MACROD2: variants seen among roughly 807,000 people sequenced by gnomAD.
MACROD2 encodes ADP-ribose glycohydrolase MACROD2.
In MACROD2, 36 loss-of-function variants were observed where a neutral mutation model predicts 70.4. That is an observed-to-expected ratio of 0.51 (90% confidence interval 0.39 to 0.68). The LOEUF is 0.68. MACROD2 is among the 30% of genes least tolerant of loss of function. The pLI, the probability that MACROD2 is intolerant of heterozygous loss-of-function variation, is 0.00. For missense variants in MACROD2, 496 were observed against 538.4 expected (o/e 0.92, Z 0.78); for synonymous variants, 172 against 178.8 (o/e 0.96, Z 0.30).
At chr20:14,149,693 G>A (rs2054991410) in intron 3 of MACROD2, among the ~76,000 whole-genome samples, 1 of 152,166 alleles carries the variant, frequency 6.6e-6, no homozygotes, top group African/African-American at 2.4e-5. Context: ...ACTGGTGTGA[G>A]ATGGTATCTC....
At chr20:14,961,531 T>A (rs924013491) in intron 5 of MACROD2, among the ~76,000 whole-genome samples, 2 of 152,074 alleles carry the variant, frequency 1.3e-5, no homozygotes, top group African/African-American at 4.8e-5. Context: ...TGGGTTGTTG[T>A]TTTGTTTTGT....
chr20:15,850,406 C>T (rs1479163616), intron 8 of MACROD2, among the ~76,000 whole-genome samples: 2 of 152,208 alleles, frequency 1.3e-5, no homozygotes, highest in African/African-American at 2.4e-5. Context: ...TATGAAAGCC[C>T]TCAGGCAAAG....
At chr20:14,434,222 C>G (rs1324982681) in intron 3 of MACROD2, among the ~76,000 whole-genome samples, 4 of 152,014 alleles carry the variant, frequency 2.6e-5, no homozygotes, top group African/African-American at 7.2e-5. Flanking sequence ...ACTTGTAAAG[C>G]AAAGAGAAAA....
intron 5 of MACROD2, among the ~76,000 whole-genome samples, chr20:14,829,222 C>T (rs1049861041): frequency 2.7e-5 from 4 of 150,936 alleles, no homozygotes; most frequent in Non-Finnish European, 5.9e-5. Flanking sequence ...CTTCGCCTCC[C>T]GGGTTCATGC....
At chr20:14,805,997 G>A (rs1011407100) in intron 5 of MACROD2, among the ~76,000 whole-genome samples, 2 of 151,962 alleles carry the variant, frequency 1.3e-5, no homozygotes, top group South Asian at 2.1e-4. Flanking sequence ...GTGAAGATTC[G>A]ATGAGTTTAT....
chr20:14,764,265 C>T (rs1023408816), intron 5 of MACROD2, among the ~76,000 whole-genome samples: 2 of 152,098 alleles, frequency 1.3e-5, no homozygotes, highest in Admixed American at 1.3e-4. Context: ...TCCCCTCCTT[C>T]ATGGAGCCAG....
intron 3 of MACROD2, among the ~76,000 whole-genome samples, chr20:14,377,573 G>A (rs2083384016): frequency 6.6e-6 from 1 of 152,232 alleles, no homozygotes. Flanking sequence ...AAATAGCCTT[G>A]AGGCTGCTCC....
intron 6 of MACROD2, among the ~76,000 whole-genome samples, chr20:15,305,708 A>T (rs993723580): frequency 6.6e-6 from 1 of 152,050 alleles, no homozygotes; most frequent in Non-Finnish European, 1.5e-5. Flanking sequence ...CTTGAGTAGC[A>T]TGTGTGGTAG....
At chr20:15,811,651 A>T (rs1259531391) in intron 8 of MACROD2, among the ~76,000 whole-genome samples, 1 of 151,806 alleles carries the variant, frequency 6.6e-6, no homozygotes, top group East Asian at 1.9e-4. Flanking sequence ...TTTTCCCCAG[A>T]CATATCAAAG....
rs2082745276 is a variant in MACROD2 at position 14,326,908 on chromosome 20, C to T, written c.272-166571C>T. The T allele has an allele frequency of 6.2e-7, 1 of 1,613,664 alleles. No homozygotes were observed. Among genetic ancestry groups the T allele is most frequent in the Non-Finnish European group, 8.5e-7 (1 of 1,179,816 alleles). On this transcript the variant is annotated intron_variant, in intron 3 of 17. Transcript: ENST00000684519. This position sits in a 1 kb window ranked among gnomAD's most constrained non-coding sequence, Gnocchi z 5.5. ...TCCATCTAGAACCAGGCGTTTTAGA[C>T]TAGTGAGACCTTGAAGAGATGGTGA...
chr20:15,893,854 A>G, intron 10 of MACROD2: 3 of 456,832 alleles, frequency 6.6e-6, no homozygotes, highest in South Asian at 1.5e-5. Context: ...TGCAGGATAA[A>G]GGTGAGAGAA....
chr20:14,184,757 T>C (rs993698728), intron 3 of MACROD2, among the ~76,000 whole-genome samples: 1 of 152,092 alleles, frequency 6.6e-6, no homozygotes, highest in Non-Finnish European at 1.5e-5. Flanking sequence ...TAGTTAGCTG[T>C]ACTCCTAGGT....
intron 5 of MACROD2, among the ~76,000 whole-genome samples, chr20:14,911,175 C>T (rs2074022331): frequency 6.6e-6 from 1 of 152,144 alleles, no homozygotes; most frequent in East Asian, 1.9e-4. Flanking sequence ...AACCCTCCCC[C>T]AGACCTATTG....
intron 5 of MACROD2, among the ~76,000 whole-genome samples, chr20:14,713,773 TATCA>T (rs1416974097): frequency 6.6e-6 from 1 of 152,174 alleles, no homozygotes; most frequent in African/African-American, 2.4e-5. Flanking sequence ...AAATTACTAT[TATCA>T]ATTGACAATT....
At chr20:14,143,482 A>G (rs1385603835) in intron 3 of MACROD2, among the ~76,000 whole-genome samples, 1 of 152,098 alleles carries the variant, frequency 6.6e-6, no homozygotes, top group Non-Finnish European at 1.5e-5. Flanking sequence ...CAATGTGATA[A>G]TTCTGTTTAA....
intron 3 of MACROD2, chr20:14,324,290 GA>G (rs11475954): frequency 0.88 from 132,797 of 150,186 alleles, 58,847 homozygotes; most frequent in Non-Finnish European, 0.92. Flanking sequence ...GTTTTTTGTT[GA>G]AAAAAAAAAA....
intron 7 of MACROD2, among the ~76,000 whole-genome samples, chr20:15,473,011 C>G (rs2046980337): frequency 6.6e-6 from 1 of 152,178 alleles, no homozygotes; most frequent in Non-Finnish European, 1.5e-5. Flanking sequence ...TCTCATACTT[C>G]TAGTTTATTG....
intron 6 of MACROD2, among the ~76,000 whole-genome samples, chr20:15,317,751 G>T (rs529391984): frequency 1.3e-5 from 2 of 150,510 alleles, no homozygotes; most frequent in African/African-American, 2.5e-5. Flanking sequence ...TCAAGCAGAA[G>T]GGTTTCTTTT....
At chr20:14,432,968 AAATAAT>A (rs760562479) in intron 3 of MACROD2, among the ~76,000 whole-genome samples, 2 of 151,984 alleles carry the variant, frequency 1.3e-5, no homozygotes, top group African/African-American at 2.4e-5. Context: ...TAGTCATAGA[AAATAAT>A]AATAATAATA....
Sources: gnomAD v4.1 joint callset for allele counts (sites outside exome capture counted in the v4.1 genomes callset) on GRCh38, gnomAD v4.1.1 for gene constraint, Gnocchi (gnomAD v3.1) non-coding constraint, MANE v1.5 for transcripts, NCBI Gene and HGNC (gene_info 2026-07-23, HGNC 2026-07-21) for gene names.